TSC22D1: variants seen among roughly 807,000 people sequenced by gnomAD.
The protein encoded by TSC22D1 is TSC22 domain family member 1, also known as TSC22 domain family protein 1.
Under a neutral mutation model 74.2 loss-of-function variants are expected in TSC22D1, and 9 were observed. That is an observed-to-expected ratio of 0.12 (90% CI 0.07 to 0.21). The LOEUF (loss-of-function observed/expected upper bound fraction) is 0.21. TSC22D1 is among the 10% of genes least tolerant of loss of function. The pLI, the probability that TSC22D1 is intolerant of heterozygous loss-of-function variation, is 1.00. For synonymous variants in TSC22D1, 586 were observed against 492.5 expected, an observed-to-expected ratio of 1.19 and a Z score of -2.51; for missense variants, 1,427 against 1,304.7, an observed-to-expected ratio of 1.09 and a Z score of -1.44.
At chr13:44,508,542 C>CA (rs1236212723) in intron 1 of TSC22D1, among the ~76,000 whole-genome samples, 1 of 152,136 alleles carries the variant, frequency 6.6e-6, no homozygotes, top group African/African-American at 2.4e-5. Flanking sequence ...TCCCAGCTTC[C>CA]ACTCTTATTC....
At chr13:44,450,763 G>A (rs150575698) in intron 1 of TSC22D1, among the ~76,000 whole-genome samples, 1 of 152,314 alleles carries the variant, frequency 6.6e-6, no homozygotes, top group East Asian at 1.9e-4. Context: ...GGGAAATACG[G>A]TTTTGGAACT....
chr13:44,516,339 A>G, intron 1 of TSC22D1: 1 of 477,618 alleles, frequency 2.1e-6, no homozygotes, highest in Non-Finnish European at 4.1e-6. Context: ...CTAATTCTGA[A>G]GAACCTGCTT....
At position 44,576,165 on chromosome 13, in the gene TSC22D1, A is replaced by C. The variant is rs1595187199; in HGVS notation, c.-91T>G. 12 of 1,355,350 alleles carry C rather than the reference A, an allele frequency of 8.9e-6. No individual in the cohort carries two copies. Among genetic ancestry groups the C allele is most frequent in the East Asian group, 5.6e-5 (2 of 35,782 alleles). The allele number at this position is 1,355,350 out of a possible 1,614,324, so 84.0% of individuals were successfully genotyped here. A position where few individuals can be genotyped will look rare whatever the true frequency, so the allele number is the denominator to read the frequency against. On this transcript the variant is annotated 5_prime_UTR_variant, in exon 1 of 3. Transcript: ENST00000458659. Reference sequence around the variant, plus strand: ...TGGAGACGCCGGAGAGGAAAACGGGACCTGACGCTCCGCCTGGCGCGATTC... The same window carrying C: ...TGGAGACGCCGGAGAGGAAAACGGGCCCTGACGCTCCGCCTGGCGCGATTC...
In TSC22D1 at chr13:44,530,764, T is replaced by C. The variant is rs186214221; in HGVS notation, c.2912+42399A>G. Among the ~76,000 whole-genome samples the C allele has an allele frequency of 1.3e-4, 20 of 152,050 alleles. No homozygotes were observed. In the East Asian group the frequency reaches 3.9e-3, roughly 29 times the overall value. ...GTATGAGAAGATGTTCAACATCATA[T>C]ATCATTAGGGAATTGCAAATTAAAA... On this transcript the variant is annotated intron_variant, in intron 1 of 2. Coordinates refer to ENST00000458659, the MANE Select transcript of TSC22D1 (RefSeq NM_183422.4).
chr13:44,444,232 T>C (rs1345220453), intron 1 of TSC22D1, among the ~76,000 whole-genome samples: 1 of 123,616 alleles, frequency 8.1e-6, no homozygotes, highest in Admixed American at 1.2e-4. Flanking sequence ...TGACTCAAGA[T>C]TGCACCACTG....
intron 1 of TSC22D1, among the ~76,000 whole-genome samples, chr13:44,450,585 A>G (rs1164549338): frequency 6.6e-6 from 1 of 152,246 alleles, no homozygotes; most frequent in African/African-American, 2.4e-5. Context: ...ACATTGCAAC[A>G]TAGAACTGAC....
Position 44,564,258 on chromosome 13 carries a change from T to C in TSC22D1, c.2912+8905A>G, listed in dbSNP as rs150571395. Among the ~76,000 whole-genome samples, 121 of 152,312 alleles carry C rather than the reference T, an allele frequency of 7.9e-4. 1 individual carries two copies. Among genetic ancestry groups the C allele is most frequent in the Admixed American group, 2.0e-3 (31 of 15,298 alleles). On this transcript the variant is annotated intron_variant, in intron 1 of 2. Transcript: ENST00000458659. Reference sequence around the variant, plus strand: ...AGATTTTATCTAATAGGCATTGAAATAGGCTTTGAATATATGCAGCACATC... The same window carrying C: ...AGATTTTATCTAATAGGCATTGAAACAGGCTTTGAATATATGCAGCACATC...
At chr13:44,504,786 T>C (rs983645640) in intron 1 of TSC22D1, among the ~76,000 whole-genome samples, 1 of 152,210 alleles carries the variant, frequency 6.6e-6, no homozygotes, top group Admixed American at 6.5e-5. Flanking sequence ...GTTTCACATA[T>C]CAACATCAAC....
chr13:44,572,381 T>C lies in TSC22D1; in HGVS notation c.2912+782A>G, dbSNP rs1453981906. On this transcript the variant is annotated intron_variant, in intron 1 of 2. Transcript: ENST00000458659. ...TAAGGAAAGAAAGGAACAGGTGGAG[T>C]AGATTAGCCAGAGACCAAGGTCTTA... Among the ~76,000 whole-genome samples the C allele has an allele frequency of 3.3e-5, 5 of 152,140 alleles. No individual in the cohort carries two copies. In the East Asian group the frequency reaches 9.6e-4, roughly 29 times the overall value.
At chr13:44,540,215 G>A (rs984210793) in intron 1 of TSC22D1, among the ~76,000 whole-genome samples, 1 of 152,058 alleles carries the variant, frequency 6.6e-6, no homozygotes, top group Admixed American at 6.6e-5. Context: ...ATTATGACTG[G>A]AAACAAGATC....
chr13:44,473,010 G>A (rs531277354), intron 1 of TSC22D1, among the ~76,000 whole-genome samples: 10 of 152,246 alleles, frequency 6.6e-5, no homozygotes, highest in African/African-American at 2.4e-4. Context: ...AGCAAGTCAC[G>A]TCTTACATAG....
chr13:44,452,946 T>G (rs1876267559), intron 1 of TSC22D1: 1 of 152,332 alleles, frequency 6.6e-6, no homozygotes, highest in Non-Finnish European at 1.5e-5. Context: ...TCGATGAAAC[T>G]CTTGTTTTCA....
intron 1 of TSC22D1, among the ~76,000 whole-genome samples, chr13:44,550,038 T>A (rs963621076): frequency 6.6e-6 from 1 of 152,180 alleles, no homozygotes; most frequent in Admixed American, 6.5e-5. Context: ...AAAATTTTGA[T>A]AGCGACTAAT....
intron 1 of TSC22D1, among the ~76,000 whole-genome samples, chr13:44,551,852 G>C (rs556779923): frequency 6.6e-6 from 1 of 152,266 alleles, no homozygotes; most frequent in African/African-American, 2.4e-5. Flanking sequence ...AGTGAGCTAT[G>C]ATTGTGCCAC....
rs557105906 is a variant in TSC22D1 at position 44,450,674 on chromosome 13, C to T, written c.2913-14579G>A. 2.6e-5 allele frequency among the ~76,000 whole-genome samples: 4 copies of T among 152,264 alleles called. No homozygotes were observed. In the East Asian group the frequency reaches 7.7e-4, roughly 29 times the overall value. ...TATGTGAACAGGTGGAAGGTGATGC[C>T]ATTAGCCAGAATAAGGCTGTAGGCT... On this transcript the variant is annotated intron_variant, in intron 1 of 2. Transcript: ENST00000458659.
intron 1 of TSC22D1, among the ~76,000 whole-genome samples, chr13:44,521,175 A>T (rs1044380647): frequency 1.2e-4 from 18 of 152,164 alleles, no homozygotes; most frequent in African/African-American, 2.4e-4. Context: ...TGGTTTCTTA[A>T]GACAATTGAG....
At chr13:44,557,678 T>A (rs1195386521) in intron 1 of TSC22D1, among the ~76,000 whole-genome samples, 1 of 152,208 alleles carries the variant, frequency 6.6e-6, no homozygotes. Flanking sequence ...ATCTGATTCA[T>A]AAAATGTGCT....
chr13:44,469,371 C>T (rs1301143827), intron 1 of TSC22D1, among the ~76,000 whole-genome samples: 6 of 152,124 alleles, frequency 3.9e-5, no homozygotes, highest in Non-Finnish European at 7.3e-5. Context: ...TCTTTAAATC[C>T]GTTTTAATAA....
chr13:44,487,441 G>C (rs546408167), intron 1 of TSC22D1, among the ~76,000 whole-genome samples: 1 of 125,104 alleles, frequency 8.0e-6, no homozygotes, highest in East Asian at 2.8e-4. Context: ...GGAGGTTGCA[G>C]TGAGCCGCGA....
Sources: gnomAD v4.1 joint callset for allele counts (sites outside exome capture counted in the v4.1 genomes callset) on GRCh38, gnomAD v4.1.1 for gene constraint, MANE v1.5 for transcripts, NCBI Gene and HGNC (gene_info 2026-07-23, HGNC 2026-07-21) for gene names.